Variants in DDHD1 observed in about 807,000 individuals in gnomAD.
The protein encoded by DDHD1 is phospholipase DDHD1.
DDHD1 carries 49 observed loss-of-function variants against 96.4 expected under a neutral mutation model. That is an observed-to-expected ratio of 0.51 (90% confidence interval 0.40 to 0.64). DDHD1 has a LOEUF of 0.64. DDHD1 is among the 30% of genes least tolerant of loss of function. The probability of loss-of-function intolerance (pLI) is 0.00; values close to 1 mark genes in which losing one functional copy is unlikely to be tolerated. For missense variants in DDHD1, 1,106 were observed against 1,161.2 expected (o/e 0.95, Z 0.69); for synonymous variants, 442 against 446.5 (o/e 0.99, Z 0.13).
chr14:53,079,202 T>A (rs1044470219), intron 4 of DDHD1, among the ~76,000 whole-genome samples: 1 of 152,144 alleles, frequency 6.6e-6, no homozygotes, highest in Admixed American at 6.6e-5. Flanking sequence ...GGTATCGGGG[T>A]AATACTGGCT....
chr14:53,079,211 C>T (rs1885234593), intron 4 of DDHD1, among the ~76,000 whole-genome samples: 1 of 152,048 alleles, frequency 6.6e-6, no homozygotes, highest in Non-Finnish European at 1.5e-5. Flanking sequence ...GTAATACTGG[C>T]TTCATAGAAT....
chr14:53,141,196 G>A (rs973748321), intron 1 of DDHD1, among the ~76,000 whole-genome samples: 2 of 152,204 alleles, frequency 1.3e-5, no homozygotes, highest in Non-Finnish European at 2.9e-5. Context: ...GAAGGACAGA[G>A]TGGCAATACA....
intron 1 of DDHD1, chr14:53,150,202 G>C (rs2139923404): frequency 6.6e-6 from 1 of 152,192 alleles, no homozygotes; most frequent in Non-Finnish European, 1.5e-5. Flanking sequence ...TTGTGTATGT[G>C]CCCCATCTAG....
intron 1 of DDHD1, among the ~76,000 whole-genome samples, chr14:53,117,447 T>G (rs1260756612): frequency 6.6e-6 from 1 of 152,178 alleles, no homozygotes; most frequent in Admixed American, 6.5e-5. Flanking sequence ...CACCAAATAC[T>G]GCACTATTCC....
chr14:53,129,772 T>G (rs1889726946), intron 1 of DDHD1, among the ~76,000 whole-genome samples: 1 of 152,168 alleles, frequency 6.6e-6, no homozygotes, highest in Non-Finnish European at 1.5e-5. Context: ...CCTAAAAACC[T>G]AAGCATCTTA....
chr14:53,128,132 A>G (rs907147873), intron 1 of DDHD1, among the ~76,000 whole-genome samples: 1 of 152,078 alleles, frequency 6.6e-6, no homozygotes, highest in Non-Finnish European at 1.5e-5. Context: ...TTCCCTTTCC[A>G]CCATGATTGT....
In DDHD1 at chr14:53,119,851, T is replaced by C. The variant is rs192693878; in HGVS notation, c.839-15995A>G. On this transcript the variant is annotated intron_variant, in intron 1 of 12. Transcript: ENST00000673822. Reference sequence around the variant, plus strand: ...GACAAACCCATAGCCAATATCACACTGAATGGGCAAAAGCTGGAAGCATTC... The same window carrying C: ...GACAAACCCATAGCCAATATCACACCGAATGGGCAAAAGCTGGAAGCATTC... Among the ~76,000 whole-genome samples the C allele has an allele frequency of 2.0e-5, 3 of 152,314 alleles. No individual in the cohort carries two copies. The East Asian group carries it at 5.8e-4, about 29-fold the overall frequency.
At chr14:53,049,657 CAAAAA>C (rs11323291) in intron 12 of DDHD1, among the ~76,000 whole-genome samples, 6 of 84,712 alleles carry the variant, frequency 7.1e-5, no homozygotes, top group Non-Finnish European at 7.0e-5. Context: ...TGAGCTAGGT[CAAAAA>C]AAAAAAAAAA....
intron 4 of DDHD1, among the ~76,000 whole-genome samples, chr14:53,080,174 A>G (rs1490216851): frequency 6.6e-6 from 1 of 152,226 alleles, no homozygotes; most frequent in Non-Finnish European, 1.5e-5. Flanking sequence ...AGCCTGGCCA[A>G]CATGGTGAAA....
At chr14:53,048,342 T>G (rs1882214066) in intron 12 of DDHD1, among the ~76,000 whole-genome samples, 1 of 150,690 alleles carries the variant, frequency 6.6e-6, no homozygotes, top group South Asian at 2.1e-4. Context: ...TGGGCTGTTT[T>G]TTTTTTTTTT....
intron 1 of DDHD1, among the ~76,000 whole-genome samples, chr14:53,133,718 C>A (rs1890039149): frequency 6.6e-6 from 1 of 152,090 alleles, no homozygotes. Flanking sequence ...CAGACACCAG[C>A]CCTCTAGGTG....
At chr14:53,090,067 A>G (rs1254598868) in intron 4 of DDHD1, among the ~76,000 whole-genome samples, 1 of 152,386 alleles carries the variant, frequency 6.6e-6, no homozygotes, top group East Asian at 1.9e-4. Flanking sequence ...GGCAACGGAT[A>G]TGAAGAGACA....
At chr14:53,048,898 T>C (rs1472106950) in intron 12 of DDHD1, 1 of 152,136 alleles carries the variant, frequency 6.6e-6, no homozygotes, top group Non-Finnish European at 1.5e-5. Context: ...AGTTGGAAAA[T>C]GTGTTAATAT....
At position 53,130,715 on chromosome 14, in the gene DDHD1, C is replaced by T. The variant is rs937937006; in HGVS notation, c.838+21546G>A. Among the ~76,000 whole-genome samples, 14 of 152,310 alleles carry T rather than the reference C, an allele frequency of 9.2e-5. No individual in the cohort carries two copies. In the East Asian group the frequency reaches 1.2e-3, roughly 13 times the overall value. On this transcript the variant is annotated intron_variant, in intron 1 of 12. Transcript: ENST00000673822. ...ACTGGGCCAAGGAATGCCCGCAGCCCGGGATTCCTCGTAAGCTGTTGTCCC... is the reference window on the plus strand; with the variant it reads ...ACTGGGCCAAGGAATGCCCGCAGCCTGGGATTCCTCGTAAGCTGTTGTCCC...
chr14:53,144,347 G>C (rs1890837714), intron 1 of DDHD1, among the ~76,000 whole-genome samples: 1 of 152,246 alleles, frequency 6.6e-6, no homozygotes, highest in Non-Finnish European at 1.5e-5. Context: ...AAACCTTACA[G>C]ACAGGTACAC....
In DDHD1 at chr14:53,063,182, C is replaced by A; in HGVS notation, c.1527G>T (p.Glu509Asp). The A allele has an allele frequency of 6.2e-7, 1 of 1,613,750 alleles. No homozygotes were observed. The highest frequency in any genetic ancestry group is 8.5e-7 in the Non-Finnish European group (1 of 1,179,948). Residue 509 changes from glutamate to aspartate, a missense_variant, in exon 7 of 13, where the codon GAG becomes GAT. Physicochemically the swap from Glu to Asp is conservative, Grantham distance 45 (BLOSUM62 2). This residue lies in a region of DDHD1 where 650 missense variants were observed against 758.8 expected (regional missense o/e 0.86). Coordinates refer to ENST00000673822, the MANE Select transcript of DDHD1 (RefSeq NM_001160148.2). ...AGAAAAGGGAATACAATCGATTCAG[C>A]TCTTGCTGAAGGCCTTTAACTAGCT... is the stretch of plus-strand genomic sequence containing the variant. The part of the protein sequence containing the change: ...RDELVKGLQQ[E>D]LNRLYSLFCS...
At chr14:53,048,867 AG>A (rs1882278352) in intron 12 of DDHD1, 1 of 152,258 alleles carries the variant, frequency 6.6e-6, no homozygotes, top group Non-Finnish European at 1.5e-5. Flanking sequence ...TGAATTACAA[AG>A]GAAAAAGAAG....
intron 1 of DDHD1, among the ~76,000 whole-genome samples, chr14:53,145,626 A>G (rs758612853): frequency 1.5e-4 from 23 of 152,102 alleles, no homozygotes; most frequent in Non-Finnish European, 3.1e-4. Flanking sequence ...AAGGAGCCAG[A>G]GACAATTAGT....
chr14:53,133,895 C>G (rs1890048878), intron 1 of DDHD1, among the ~76,000 whole-genome samples: 1 of 152,188 alleles, frequency 6.6e-6, no homozygotes, highest in African/African-American at 2.4e-5. Flanking sequence ...CCAGACCCTA[C>G]TTAGTCATCT....
Sources: allele counts gnomAD v4.1 joint callset (sites outside exome capture counted in the v4.1 genomes callset), GRCh38; gene constraint gnomAD v4.1.1; regional missense constraint gnomAD v4.1.1; transcripts MANE v1.5; gene names NCBI Gene and HGNC (gene_info 2026-07-23, HGNC 2026-07-21).